Variants in CRACR2A observed in about 807,000 individuals in gnomAD.
The protein encoded by CRACR2A is calcium release activated channel regulator 2A.
CRACR2A carries 79 observed loss-of-function variants against 90.5 expected under a neutral mutation model. The observed-to-expected ratio is 0.87, with a 90% confidence interval of 0.73 to 1.05. The LOEUF is 1.05. CRACR2A is among the 50% of genes least tolerant of loss of function. The pLI is 0.00. For missense variants in CRACR2A, 823 were observed against 897.2 expected (o/e 0.92, Z 1.06); for synonymous variants, 338 against 356.7 (o/e 0.95, Z 0.59).
At chr12:3,740,960 G>C (rs1232123772) in intron 1 of CRACR2A, among the ~76,000 whole-genome samples, 1 of 152,164 alleles carries the variant, frequency 6.6e-6, no homozygotes, top group Non-Finnish European at 1.5e-5. Context: ...GTTGACAGCT[G>C]TCTGACCACA....
At chr12:3,715,970 A>G (rs1946076571) in intron 2 of CRACR2A, among the ~76,000 whole-genome samples, 1 of 152,134 alleles carries the variant, frequency 6.6e-6, no homozygotes. Context: ...ATTTCCCACC[A>G]AACCTCTCTT....
chr12:3,668,309 A>G (rs1945182856), intron 7 of CRACR2A, among the ~76,000 whole-genome samples: 1 of 152,216 alleles, frequency 6.6e-6, no homozygotes, highest in South Asian at 2.1e-4. Flanking sequence ...AACTGGCTAA[A>G]GCAGCATTTC....
rs1237950071 is a variant in CRACR2A, at chr12:3,638,230, T to TC, written c.1495dup (p.Glu499GlyfsTer4). ...TCCCTGTACCCCCTGGTCAGAGACC[T>TC]CTTCCTCTTCTGAGCATTTGCTCAG... On this transcript the variant is annotated frameshift_variant, in exon 14 of 20. Coordinates refer to ENST00000440314, the MANE Select transcript of CRACR2A (RefSeq NM_001144958.2). LOFTEE classifies it high-confidence loss of function. 1 of 1,551,698 alleles carries TC rather than the reference T, an allele frequency of 6.4e-7. No individual in the cohort carries two copies. The highest frequency in any genetic ancestry group is 2.4e-5 in the East Asian group (1 of 40,918).
chr12:3,720,194 G>A (rs1287246924), intron 2 of CRACR2A, among the ~76,000 whole-genome samples: 1 of 95,256 alleles, frequency 1.0e-5, no homozygotes, highest in Non-Finnish European at 2.0e-5. Flanking sequence ...GGAGGGAGGG[G>A]GAGGGAGGGA....
chr12:3,706,890 C>A (rs921155819), intron 3 of CRACR2A, among the ~76,000 whole-genome samples: 3 of 152,212 alleles, frequency 2.0e-5, no homozygotes, highest in African/African-American at 4.8e-5. Flanking sequence ...AGGCATGAGC[C>A]ACCACACCCA....
chr12:3,616,106 G>A (rs1475699131), intron 19 of CRACR2A, among the ~76,000 whole-genome samples: 1 of 152,274 alleles, frequency 6.6e-6, no homozygotes, highest in Non-Finnish European at 1.5e-5. Flanking sequence ...TCCTGACAAA[G>A]CTCAGAGAGG....
chr12:3,631,767 C>T (rs1308321759), intron 15 of CRACR2A, among the ~76,000 whole-genome samples: 1 of 152,196 alleles, frequency 6.6e-6, no homozygotes, highest in Admixed American at 6.5e-5. Context: ...ACCTGAAGCA[C>T]CTAGGCAGGG....
Position 3,673,445 on chromosome 12 carries a change from C to T in CRACR2A, c.671+1G>A, listed in dbSNP as rs200515563. 6 of 1,610,152 alleles carry T rather than the reference C, an allele frequency of 3.7e-6. No homozygotes were observed. The East Asian group carries it at 1.1e-4, about 30-fold the overall frequency. Reference sequence around the variant, plus strand: ...AAAGCGGCTGACACTGGGGTACCCACCTTTTTAGGGCACACTCCAGTTCAT... The same window carrying T: ...AAAGCGGCTGACACTGGGGTACCCATCTTTTTAGGGCACACTCCAGTTCAT... On this transcript the variant is annotated splice_donor_variant, in intron 7 of 19. Coordinates refer to ENST00000440314, the MANE Select transcript of CRACR2A (RefSeq NM_001144958.2). LOFTEE classifies it high-confidence loss of function.
intron 7 of CRACR2A, among the ~76,000 whole-genome samples, chr12:3,666,371 G>GCA (rs1555112170): frequency 5.3e-5 from 8 of 151,866 alleles, no homozygotes; most frequent in South Asian, 2.1e-4. Context: ...GTGTGCGCGT[G>GCA]CGCGCGCACG....
At position 3,690,200 on chromosome 12, in the gene CRACR2A, G is replaced by C. The variant is rs946985852; in HGVS notation, c.228+6572C>G. Among the ~76,000 whole-genome samples the C allele has an allele frequency of 2.6e-5, 4 of 151,970 alleles. No homozygotes were observed. The East Asian group carries it at 7.7e-4, about 29-fold the overall frequency. On this transcript the variant is annotated intron_variant, in intron 4 of 19. Transcript: ENST00000440314. ...TATGGTTATTTCTTGTCTTCTGCCA[G>C]CTTTAGGATTGGTTTGCTCTTGGTT...
intron 3 of CRACR2A, among the ~76,000 whole-genome samples, chr12:3,697,331 C>A (rs1341816416): frequency 6.6e-6 from 1 of 152,196 alleles, no homozygotes; most frequent in African/African-American, 2.4e-5. Flanking sequence ...CCCATTTAAA[C>A]AACCAAACAA....
At chr12:3,681,399 TAAG>T (rs1945448683) in intron 4 of CRACR2A, among the ~76,000 whole-genome samples, 1 of 152,158 alleles carries the variant, frequency 6.6e-6, no homozygotes, top group Admixed American at 6.5e-5. Context: ...TCAGACCTCA[TAAG>T]GAGGGAAGGG....
At chr12:3,622,903 G>T (rs146269520) in intron 17 of CRACR2A, among the ~76,000 whole-genome samples, 1 of 151,880 alleles carries the variant, frequency 6.6e-6, no homozygotes, top group Admixed American at 6.6e-5. Flanking sequence ...CTTGGAACGT[G>T]GAGAAAAAAA....
chr12:3,630,406 G>T (rs902365200), intron 15 of CRACR2A, among the ~76,000 whole-genome samples: 1 of 152,132 alleles, frequency 6.6e-6, no homozygotes, highest in African/African-American at 2.4e-5. Context: ...AGTTGCTCTG[G>T]AGAAATACCC....
chr12:3,752,344 A>T (rs61908623), intron 1 of CRACR2A, among the ~76,000 whole-genome samples: 5 of 21,692 alleles, frequency 2.3e-4, no homozygotes, highest in Non-Finnish European at 7.8e-4. Flanking sequence ...ACGGACACAC[A>T]CACACACACA....
chr12:3,653,176 T>C (rs928613736), intron 10 of CRACR2A, among the ~76,000 whole-genome samples: 1 of 152,056 alleles, frequency 6.6e-6, no homozygotes, highest in Non-Finnish European at 1.5e-5. Context: ...AGAGATGGGG[T>C]TTCACCGTGT....
At chr12:3,752,040 G>A (rs78773614) in intron 1 of CRACR2A, among the ~76,000 whole-genome samples, 6,814 of 152,038 alleles carry the variant, frequency 0.045, 230 homozygotes, top group Non-Finnish European at 0.066. Context: ...AAGACTCTTC[G>A]GTACATGCTG....
chr12:3,629,365 T>G (rs1454734828), intron 15 of CRACR2A, among the ~76,000 whole-genome samples: 4 of 152,142 alleles, frequency 2.6e-5, no homozygotes, highest in East Asian at 3.9e-4. Flanking sequence ...CAAAACAGAT[T>G]ACAGTGGCTG....
chr12:3,672,645 T>C (rs758287783), intron 7 of CRACR2A: 468 of 560,370 alleles, frequency 8.4e-4, no homozygotes, highest in Non-Finnish European at 1.0e-3. Flanking sequence ...TAAAGGACTA[T>C]GAACAGCACA....
Sources: allele counts gnomAD v4.1 joint callset (sites outside exome capture counted in the v4.1 genomes callset), GRCh38; gene constraint gnomAD v4.1.1; transcripts MANE v1.5; gene names NCBI Gene and HGNC (gene_info 2026-07-23, HGNC 2026-07-21).